The following STAG1 variants were observed in gnomAD, a reference collection of about 807,000 sequenced individuals.
The protein encoded by STAG1 is STAG1 cohesin complex component.
STAG1 carries 26 observed loss-of-function variants against 170.9 expected under a neutral mutation model. The ratio of observed to expected loss-of-function variants is 0.15; its 90% CI spans 0.11 to 0.21. The LOEUF (loss-of-function observed/expected upper bound fraction) is 0.21, where lower values mean the gene tolerates loss of function less well. Among genes scored for constraint, STAG1 ranks in the 10% least tolerant of loss-of-function variants. The pLI, the probability that STAG1 is intolerant of heterozygous loss-of-function variation, is 1.00. For synonymous variants in STAG1, 514 were observed against 497.7 expected, an observed-to-expected ratio of 1.03 and a Z score of -0.44; for missense variants, 964 against 1,509.5, an observed-to-expected ratio of 0.64 and a Z score of 5.99.
chr3:136,475,756 C>G (rs1407768220), intron 10 of STAG1, among the ~76,000 whole-genome samples: 1 of 152,132 alleles, frequency 6.6e-6, no homozygotes, highest in Non-Finnish European at 1.5e-5. Context: ...GGGAGCAGAG[C>G]AAATAGTAAC....
intron 4 of STAG1, among the ~76,000 whole-genome samples, chr3:136,580,961 T>C (rs1937579632): frequency 6.6e-6 from 1 of 152,236 alleles, no homozygotes; most frequent in Admixed American, 6.5e-5. Flanking sequence ...GCTTTTCTTT[T>C]TTTTCAAGTT....
intron 1 of STAG1, among the ~76,000 whole-genome samples, chr3:136,635,722 C>T (rs1277958415): frequency 6.6e-6 from 1 of 152,128 alleles, no homozygotes; most frequent in African/African-American, 2.4e-5. Context: ...TCTGAAAGAA[C>T]TGACAAAGGC....
chr3:136,649,771 T>A (rs985906618), intron 1 of STAG1, among the ~76,000 whole-genome samples: 1 of 151,498 alleles, frequency 6.6e-6, no homozygotes, highest in Non-Finnish European at 1.5e-5. Flanking sequence ...AAAAAAAGAT[T>A]TTTTTTGTTT....
chr3:136,582,748 G>C (rs565261539), intron 4 of STAG1, among the ~76,000 whole-genome samples: 75 of 152,302 alleles, frequency 4.9e-4, no homozygotes, highest in Non-Finnish European at 3.2e-4. Flanking sequence ...GCAGTGAGCA[G>C]AGATCAAGCC....
At chr3:136,473,160 G>A (rs566301235) in intron 11 of STAG1, among the ~76,000 whole-genome samples, 29 of 152,244 alleles carry the variant, frequency 1.9e-4, no homozygotes, top group African/African-American at 6.7e-4. Context: ...TCTAATGCCT[G>A]ATGATCTGTT....
At chr3:136,563,965 G>A (rs1936953027) in intron 5 of STAG1, among the ~76,000 whole-genome samples, 1 of 152,142 alleles carries the variant, frequency 6.6e-6, no homozygotes, top group Non-Finnish European at 1.5e-5. Context: ...GGAGGTTGCA[G>A]TGAGCCGAGA....
intron 3 of STAG1, among the ~76,000 whole-genome samples, chr3:136,614,643 T>C (rs890907791): frequency 1.3e-5 from 2 of 152,222 alleles, no homozygotes; most frequent in African/African-American, 4.8e-5. Context: ...TTTAAATGTG[T>C]ATCTACATTT....
chr3:136,646,607 A>G (rs1340486269), intron 1 of STAG1, among the ~76,000 whole-genome samples: 4 of 152,220 alleles, frequency 2.6e-5, no homozygotes, highest in Non-Finnish European at 4.4e-5. Flanking sequence ...CCATAGCACT[A>G]TAAGATGACA....
Position 136,472,402 on chromosome 3 carries a change from A to G in STAG1, c.1205+11T>C, listed in dbSNP as rs559216561. Reference sequence around the variant, plus strand: ...ATCAATAAAGTTAAAATAGTAATGGATATTACTTACTGAAGTATCAGAGTA... The same window carrying G: ...ATCAATAAAGTTAAAATAGTAATGGGTATTACTTACTGAAGTATCAGAGTA... On this transcript the variant is annotated intron_variant, in intron 12 of 33. Transcript: ENST00000383202. The G allele has an allele frequency of 1.2e-5, 19 of 1,576,268 alleles. No homozygotes were observed. In the East Asian group the frequency reaches 3.8e-4, roughly 32 times the overall value.
At chr3:136,370,395 A>G (rs1217145737) in intron 23 of STAG1, among the ~76,000 whole-genome samples, 3 of 152,090 alleles carry the variant, frequency 2.0e-5, no homozygotes, top group Non-Finnish European at 4.4e-5. Flanking sequence ...GTTTTAGGGT[A>G]CATGTGCACA....
At chr3:136,650,102 G>A (rs1941164675) in intron 1 of STAG1, among the ~76,000 whole-genome samples, 1 of 151,980 alleles carries the variant, frequency 6.6e-6, no homozygotes, top group African/African-American at 2.4e-5. Context: ...TAGGCAAGGT[G>A]GCATGTGCCT....
chr3:136,730,294 G>A (rs1459315340), intron 1 of STAG1, among the ~76,000 whole-genome samples: 1 of 152,186 alleles, frequency 6.6e-6, no homozygotes, highest in African/African-American at 2.4e-5. Flanking sequence ...TGAAGGAACT[G>A]CTAAATTTCA....
intron 1 of STAG1, among the ~76,000 whole-genome samples, chr3:136,679,896 T>C (rs1428677708): frequency 6.6e-6 from 1 of 151,890 alleles, no homozygotes; most frequent in Non-Finnish European, 1.5e-5. Context: ...AGTGAGACTC[T>C]GTCTCAGAAA....
chr3:136,537,505 GT>G (rs112443777), intron 6 of STAG1, among the ~76,000 whole-genome samples: 32 of 131,870 alleles, frequency 2.4e-4, no homozygotes, highest in East Asian at 1.1e-3. Context: ...TTTTTTTTTT[GT>G]TTTTTTTTTT....
Position 136,357,702 on chromosome 3 carries a change from T to C in STAG1, c.3065+18A>G, listed in dbSNP as rs1936711034. ...AGTATTATTATAAAAACCACTTCTCTTGTAATGTGCAACTTACACTGTCTT... is the reference window on the plus strand; with the variant it reads ...AGTATTATTATAAAAACCACTTCTCCTGTAATGTGCAACTTACACTGTCTT... On this transcript the variant is annotated intron_variant, in intron 28 of 33. Coordinates refer to ENST00000383202, the MANE Select transcript of STAG1 (RefSeq NM_005862.3). The C allele has an allele frequency of 1.9e-6, 3 of 1,570,138 alleles. No homozygotes were observed. The highest frequency in any genetic ancestry group is 8.6e-7 in the Non-Finnish European group (1 of 1,167,152).
rs34077581 is a variant in STAG1, at chr3:136,449,900, C to CTTTTTT, written c.1428+2127_1428+2132dup. 4.7e-5 allele frequency among the ~76,000 whole-genome samples: 6 copies of CTTTTTT among 126,564 alleles called. 1 individual carries two copies. Among genetic ancestry groups the CTTTTTT allele is most frequent in the Non-Finnish European group, 1.0e-4 (6 of 59,950 alleles). The allele number at this position is 126,564 out of a possible 152,430, so 83.0% of individuals were successfully genotyped here. A position where few individuals can be genotyped will look rare whatever the true frequency, so the allele number is the denominator to read the frequency against. On this transcript the variant is annotated intron_variant, in intron 14 of 33. Transcript: ENST00000383202. ...TTATCAATTTCTGAAACTATTGTTG[C>CTTTTTT]TTTTTTTTTTTTTTTTTTAGAGACA... is the stretch of plus-strand genomic sequence containing the variant.
chr3:136,604,306 T>C lies in STAG1; in HGVS notation c.297+3A>G. On this transcript the variant is annotated splice_donor_region_variant and intron_variant, in intron 4 of 33. Transcript: ENST00000383202. ...ATACGTGAAATAAAAACTTAAAATT[T>C]ACCTGCATTGCACTTTTCCCCAGTT... The C allele has an allele frequency of 6.2e-7, 1 of 1,601,794 alleles. No homozygotes were observed. The highest frequency in any genetic ancestry group is 1.1e-5 in the South Asian group (1 of 88,182).
At chr3:136,680,326 A>G (rs1942291515) in intron 1 of STAG1, among the ~76,000 whole-genome samples, 1 of 152,198 alleles carries the variant, frequency 6.6e-6, no homozygotes. Flanking sequence ...CCAAGCTGTT[A>G]TTAGTGAAAA....
At chr3:136,685,006 T>C (rs1367913586) in intron 1 of STAG1, among the ~76,000 whole-genome samples, 23 of 152,028 alleles carry the variant, frequency 1.5e-4, no homozygotes, top group Admixed American at 1.2e-3. Flanking sequence ...ATCAAAAAGT[T>C]GGACTTCGTT....
Sources: allele counts gnomAD v4.1 joint callset (sites outside exome capture counted in the v4.1 genomes callset), GRCh38; gene constraint gnomAD v4.1.1; transcripts MANE v1.5; gene names NCBI Gene and HGNC (gene_info 2026-07-23, HGNC 2026-07-21).